Variants in MYZAP observed in about 807,000 individuals in gnomAD.
MYZAP encodes GRINL1A complex locus upstream.
MYZAP carries 66 observed loss-of-function variants against 69.4 expected under a neutral mutation model. That is an observed-to-expected ratio of 0.95 (90% CI 0.78 to 1.17). The LOEUF is 1.17. Among genes scored for constraint, MYZAP ranks in the 50% most tolerant of loss-of-function variants. The pLI is 0.00. For missense variants in MYZAP, 611 were observed against 556.2 expected (o/e 1.10, Z -0.99); for synonymous variants, 256 against 205.9 (o/e 1.24, Z -2.09).
intron 12 of MYZAP, among the ~76,000 whole-genome samples, chr15:57,680,494 CA>C (rs1391141978): frequency 6.2e-5 from 9 of 144,194 alleles, no homozygotes; most frequent in Non-Finnish European, 1.5e-5. Context: ...TTCACACACA[CA>C]CACACACACA....
intron 10 of MYZAP, among the ~76,000 whole-genome samples, chr15:57,656,396 A>G (rs2038013018): frequency 6.6e-6 from 1 of 152,248 alleles, no homozygotes; most frequent in African/African-American, 2.4e-5. Context: ...ATATAATAAT[A>G]GCTACCTTTT....
chr15:57,627,641 A>G (rs1427792973), intron 5 of MYZAP, among the ~76,000 whole-genome samples: 6 of 152,074 alleles, frequency 3.9e-5, no homozygotes, highest in African/African-American at 1.4e-4. Context: ...GGGAGACCAG[A>G]CCCTTGGTTT....
intron 10 of MYZAP, among the ~76,000 whole-genome samples, chr15:57,653,456 TAAAC>T (rs1267170915): frequency 6.6e-5 from 10 of 152,308 alleles, no homozygotes; most frequent in African/African-American, 9.6e-5. Flanking sequence ...TTAAATAAAA[TAAAC>T]AATAATGTCA....
intron 11 of MYZAP, among the ~76,000 whole-genome samples, chr15:57,673,521 T>A (rs1232038200): frequency 7.4e-6 from 1 of 135,928 alleles, no homozygotes. Context: ...TGTGTGTGAA[T>A]GCTGATGACT....
chr15:57,614,645 C>G (rs564557073), intron 2 of MYZAP, among the ~76,000 whole-genome samples: 1 of 152,188 alleles, frequency 6.6e-6, no homozygotes, highest in Non-Finnish European at 1.5e-5. Flanking sequence ...AAAGAGCCCC[C>G]CATCCTGGGC....
intron 2 of MYZAP, among the ~76,000 whole-genome samples, chr15:57,604,825 G>A (rs7168550): frequency 0.38 from 58,310 of 152,122 alleles, 11,732 homozygotes; most frequent in East Asian, 0.55. Flanking sequence ...TCTTGGCTGG[G>A]GGTAGGAGGC....
At chr15:57,623,744 A>G (rs963877016) in intron 4 of MYZAP, among the ~76,000 whole-genome samples, 26 of 151,776 alleles carry the variant, frequency 1.7e-4, no homozygotes, top group African/African-American at 6.1e-4. Flanking sequence ...AAAAAAAAAA[A>G]TAAGGGAAAG....
At position 57,633,638 on chromosome 15, in the gene MYZAP, C is replaced by G. The variant is rs16977629; in HGVS notation, c.830C>G (p.Ala277Gly). 3.7e-6 allele frequency: 6 copies of G among 1,611,996 alleles called. No individual in the cohort carries two copies. ...LLEETNSFLK[A>G]IEEANKKMQA... ...GAAGAAACCAATAGTTTTCTGAAAG[C>G]GATTGAAGAAGCCAATAAAAAGATG... The change falls in exon 8 of 13, where the codon GCG becomes GGG. Residue 277 changes from alanine (A) to glycine (G), a missense_variant. Coordinates refer to ENST00000267853, the MANE Select transcript of MYZAP (RefSeq NM_001018100.5).
chr15:57,619,818 G>C (rs911703893), intron 3 of MYZAP, among the ~76,000 whole-genome samples: 1 of 152,146 alleles, frequency 6.6e-6, no homozygotes, highest in Non-Finnish European at 1.5e-5. Context: ...CTTCTAAACA[G>C]AGTCCAGAGT....
chr15:57,647,294 C>T (rs2037492734), intron 10 of MYZAP: 1 of 985,294 alleles, frequency 1.0e-6, no homozygotes, highest in Non-Finnish European at 1.2e-6. Flanking sequence ...TGTTTAGACA[C>T]AGATCCCCAG....
At chr15:57,657,813 T>C (rs1486978723) in intron 10 of MYZAP, among the ~76,000 whole-genome samples, 1 of 152,188 alleles carries the variant, frequency 6.6e-6, no homozygotes. Flanking sequence ...TTTATGGCTC[T>C]TAATATTTAT....
intron 10 of MYZAP, chr15:57,647,750 T>C (rs2037515487): frequency 2.0e-6 from 2 of 985,334 alleles, no homozygotes; most frequent in Non-Finnish European, 2.4e-6. Flanking sequence ...GCCCTGGCCC[T>C]GGGTCCTAGG....
At chr15:57,629,152 A>G (rs2036345952) in intron 5 of MYZAP, among the ~76,000 whole-genome samples, 1 of 151,746 alleles carries the variant, frequency 6.6e-6, no homozygotes, top group South Asian at 2.1e-4. Flanking sequence ...TAAAGCTCGT[A>G]TTTTGTTTTC....
chr15:57,615,062 C>G (rs1343467079), intron 2 of MYZAP, among the ~76,000 whole-genome samples: 1 of 152,116 alleles, frequency 6.6e-6, no homozygotes, highest in African/African-American at 2.4e-5. Flanking sequence ...GCCCTGCTCC[C>G]CAGCGGGTAG....
chr15:57,629,168 T>C (rs997259121), intron 5 of MYZAP, among the ~76,000 whole-genome samples: 2 of 152,140 alleles, frequency 1.3e-5, no homozygotes, highest in Admixed American at 1.3e-4. Flanking sequence ...TTTTCTGATT[T>C]CATTGTGGCA....
At chr15:57,615,101 C>T (rs967945924) in intron 2 of MYZAP, among the ~76,000 whole-genome samples, 3 of 152,006 alleles carry the variant, frequency 2.0e-5, no homozygotes, top group African/African-American at 4.8e-5. Context: ...TTCCTGGGGG[C>T]GTTTTATTTA....
At chr15:57,617,143 G>A (rs2035517549) in intron 2 of MYZAP, among the ~76,000 whole-genome samples, 1 of 152,214 alleles carries the variant, frequency 6.6e-6, no homozygotes, top group Non-Finnish European at 1.5e-5. Flanking sequence ...AGCCAGGCTT[G>A]AATGTAGGTG....
intron 10 of MYZAP, among the ~76,000 whole-genome samples, chr15:57,660,667 A>AT (rs749630184): frequency 2.0e-5 from 3 of 152,058 alleles, no homozygotes; most frequent in Non-Finnish European, 4.4e-5. Context: ...AATATACAGG[A>AT]TTTTTGGAAA....
chr15:57,607,659 T>C (rs2034840112), intron 2 of MYZAP, among the ~76,000 whole-genome samples: 1 of 152,168 alleles, frequency 6.6e-6, no homozygotes, highest in Non-Finnish European at 1.5e-5. Flanking sequence ...GGATACTTCT[T>C]ACACCAGGTG....
Sources: gnomAD v4.1 joint callset for allele counts (sites outside exome capture counted in the v4.1 genomes callset) on GRCh38, gnomAD v4.1.1 for gene constraint, MANE v1.5 for transcripts, NCBI Gene and HGNC (gene_info 2026-07-23, HGNC 2026-07-21) for gene names.